The following CAST variants were observed in gnomAD, a reference collection of about 807,000 sequenced individuals.
CAST encodes the protein calpastatin, also known as MIR583 host.
Under a neutral mutation model 119.6 loss-of-function variants are expected in CAST, and 76 were observed. The observed-to-expected ratio is 0.64, with a 90% CI of 0.53 to 0.77. The LOEUF (loss-of-function observed/expected upper bound fraction) is 0.77. Among genes scored for constraint, CAST ranks in the 30% least tolerant of loss-of-function variants. CAST has a pLI of 0.00. For synonymous variants in CAST, 319 were observed against 331.6 expected, an observed-to-expected ratio of 0.96 and a Z score of 0.41; for missense variants, 953 against 946.5, an observed-to-expected ratio of 1.01 and a Z score of -0.09.
At chr5:96,581,243 G>C (rs529248727) in intron 1 of CAST, among the ~76,000 whole-genome samples, 25 of 151,894 alleles carry the variant, frequency 1.6e-4, no homozygotes, top group Non-Finnish European at 3.2e-4. Context: ...TAACCAAAAA[G>C]AGAAAAAAAA....
At chr5:96,667,811 A>C (rs1414905747) in intron 1 of CAST, among the ~76,000 whole-genome samples, 1 of 152,166 alleles carries the variant, frequency 6.6e-6, no homozygotes, top group African/African-American at 2.4e-5. Context: ...TCAGGAGTTC[A>C]AGACCAGCCT....
chr5:96,302,576 G>C, the CAST span, among the ~76,000 whole-genome samples: 5 of 152,130 alleles, frequency 3.3e-5, no homozygotes, highest in African/African-American at 1.2e-4. Context: ...TAGGCTTTTA[G>C]AAGCAACCAG....
At chr5:96,278,590 A>AT in the CAST span, 4 of 152,212 alleles carry the variant, frequency 2.6e-5, no homozygotes, top group East Asian at 7.7e-4. Flanking sequence ...TATCCTAGGT[A>AT]TGCTTAGAAA....
the CAST span, chr5:96,429,240 G>T: frequency 6.3e-7 from 1 of 1,586,292 alleles, no homozygotes; most frequent in Non-Finnish European, 8.7e-7. Flanking sequence ...ATCTCTTAGT[G>T]ATATGAAAGG....
intron 1 of CAST, among the ~76,000 whole-genome samples, chr5:96,567,673 G>A (rs758454953): frequency 9.2e-5 from 14 of 152,070 alleles, no homozygotes; most frequent in Admixed American, 2.6e-4. Flanking sequence ...CAGGCTTCCC[G>A]TTCTTTTCTT....
At chr5:96,109,609 G>A in the CAST span, among the ~76,000 whole-genome samples, 1 of 152,314 alleles carries the variant, frequency 6.6e-6, no homozygotes, top group South Asian at 2.1e-4. Context: ...CTGAGCAGGA[G>A]TGGGGGTGAT....
At chr5:96,048,709 A>T in the CAST span, among the ~76,000 whole-genome samples, 1 of 152,180 alleles carries the variant, frequency 6.6e-6, no homozygotes, top group South Asian at 2.1e-4. Context: ...AATATGTCAG[A>T]ACTTCCCCAT....
At chr5:96,451,895 C>T in the CAST span, among the ~76,000 whole-genome samples, 1 of 152,236 alleles carries the variant, frequency 6.6e-6, no homozygotes. Flanking sequence ...AAAAAAGACT[C>T]ATCATCACTG....
At chr5:95,997,212 A>G in the CAST span, among the ~76,000 whole-genome samples, 689 of 152,234 alleles carry the variant, frequency 4.5e-3, 4 homozygotes, top group African/African-American at 0.016. Context: ...TCACATATTT[A>G]CCAGGGGAAA....
chr5:96,065,337 G>A, the CAST span, among the ~76,000 whole-genome samples: 1 of 151,934 alleles, frequency 6.6e-6, no homozygotes, highest in East Asian at 1.9e-4. Flanking sequence ...AATTACTGGG[G>A]GAGGTACTCA....
At chr5:96,418,700 A>G in the CAST span, among the ~76,000 whole-genome samples, 8 of 152,176 alleles carry the variant, frequency 5.3e-5, no homozygotes, top group Non-Finnish European at 1.0e-4. Context: ...TTCTAAACCT[A>G]AGGGCTTTAT....
chr5:96,456,455 C>A, the CAST span, among the ~76,000 whole-genome samples: 29 of 152,132 alleles, frequency 1.9e-4, no homozygotes, highest in African/African-American at 6.8e-4. Flanking sequence ...TACTCCTCAG[C>A]GCCCACTCCC....
the CAST span, among the ~76,000 whole-genome samples, chr5:96,130,162 T>C: frequency 1.3e-5 from 2 of 151,912 alleles, no homozygotes; most frequent in South Asian, 4.1e-4. Context: ...AGCCAAGTGA[T>C]TAAGATCATC....
the CAST span, among the ~76,000 whole-genome samples, chr5:96,047,028 A>G: frequency 6.6e-6 from 1 of 152,242 alleles, no homozygotes; most frequent in Non-Finnish European, 1.5e-5. Context: ...GGGTAGGGAC[A>G]CAGCCAAACC....
At chr5:96,107,340 A>C in the CAST span, among the ~76,000 whole-genome samples, 3 of 152,030 alleles carry the variant, frequency 2.0e-5, no homozygotes, top group Non-Finnish European at 4.4e-5. Context: ...ACATTTTGGC[A>C]TGATTTTGCA....
chr5:96,441,805 G>C, the CAST span, among the ~76,000 whole-genome samples: 3 of 152,080 alleles, frequency 2.0e-5, no homozygotes, highest in African/African-American at 7.2e-5. Flanking sequence ...ACTCCACCTT[G>C]CCCACCTCCT....
upstream of CAST, chr5:96,525,297 G>A (rs1745580139): frequency 6.6e-6 from 1 of 152,114 alleles, no homozygotes; most frequent in Admixed American, 6.6e-5. Flanking sequence ...GCAGATGGAG[G>A]GATTGCTCTC....
chr5:96,026,412 A>T, the CAST span, among the ~76,000 whole-genome samples: 1 of 152,186 alleles, frequency 6.6e-6, no homozygotes, highest in Admixed American at 6.5e-5. Context: ...TCTTCTTCAG[A>T]GAGTCCCCAA....
the CAST span, among the ~76,000 whole-genome samples, chr5:96,276,862 A>T: frequency 3.4e-4 from 51 of 152,182 alleles, 1 homozygote; most frequent in East Asian, 9.3e-3. Flanking sequence ...GAAGGTTTTC[A>T]TGCTTTTGTT....
Sources: gnomAD v4.1 joint callset for allele counts (sites outside exome capture counted in the v4.1 genomes callset) on GRCh38, gnomAD v4.1.1 for gene constraint, MANE v1.5 for transcripts, NCBI Gene and HGNC (gene_info 2026-07-23, HGNC 2026-07-21) for gene names.